The following CYP3A4 variants were observed in gnomAD, a reference collection of about 807,000 sequenced individuals.
CYP3A4 encodes cytochrome P450 family 3 subfamily A member 4, also known as cytochrome P450 3A4.
In CYP3A4, 41 loss-of-function variants were observed where a neutral mutation model predicts 54.9. The observed-to-expected ratio is 0.75, with a 90% CI of 0.58 to 0.97. The LOEUF is 0.97. CYP3A4 is among the 50% of genes least tolerant of loss of function. The pLI, the probability that CYP3A4 is intolerant of heterozygous loss-of-function variation, is 0.00. For synonymous variants in CYP3A4, 179 were observed against 205.2 expected (o/e 0.87, Z 1.09); for missense variants, 510 against 597.3 (o/e 0.85, Z 1.52).
chr7:99,777,255 A>G (rs780506757), intron 3 of CYP3A4, among the ~76,000 whole-genome samples: 1 of 149,964 alleles, frequency 6.7e-6, no homozygotes, highest in South Asian at 2.1e-4. Flanking sequence ...CACCTAAGGA[A>G]AAAAAAAAAG....
At chr7:99,774,346 G>T (rs1265438209) in intron 3 of CYP3A4, among the ~76,000 whole-genome samples, 3 of 152,050 alleles carry the variant, frequency 2.0e-5, no homozygotes, top group African/African-American at 7.2e-5. Context: ...ATTTTATGAG[G>T]CCAGTATCTC....
At chr7:99,766,064 A>AG (rs1362157568) in intron 9 of CYP3A4, among the ~76,000 whole-genome samples, 1 of 152,176 alleles carries the variant, frequency 6.6e-6, no homozygotes, top group Non-Finnish European at 1.5e-5. Flanking sequence ...ATTTCTAGGC[A>AG]GAAATTTTTA....
At chr7:99,761,592 T>A (rs909990200) in intron 11 of CYP3A4, among the ~76,000 whole-genome samples, 3 of 152,198 alleles carry the variant, frequency 2.0e-5, no homozygotes, top group Non-Finnish European at 2.9e-5. Flanking sequence ...ACCGATGTAA[T>A]GCAGTATCAT....
At chr7:99,779,591 G>T (rs1815861522) in intron 2 of CYP3A4, among the ~76,000 whole-genome samples, 1 of 152,204 alleles carries the variant, frequency 6.6e-6, no homozygotes, top group African/African-American at 2.4e-5. Flanking sequence ...CTACAGAGAG[G>T]AAAGTTTGAC....
At chr7:99,773,864 G>T (rs1166219952) in intron 3 of CYP3A4, among the ~76,000 whole-genome samples, 10 of 151,910 alleles carry the variant, frequency 6.6e-5, no homozygotes, top group Non-Finnish European at 1.2e-4. Context: ...AACAGAAGGA[G>T]ATAGAGACAC....
At chr7:99,759,166 A>G (rs1457424080) in intron 12 of CYP3A4, among the ~76,000 whole-genome samples, 1 of 152,216 alleles carries the variant, frequency 6.6e-6, no homozygotes, top group Non-Finnish European at 1.5e-5. Context: ...GAATATGGAA[A>G]TAATATGGAA....
chr7:99,772,709 T>C lies in CYP3A4; in HGVS notation c.219-20A>G. Reference sequence around the variant, plus strand: ...TAAAAGCTGTGTGAAAAAAACAGAGTTGATTAAACATCAACAGCCTTATTC... The same window carrying C: ...TAAAAGCTGTGTGAAAAAAACAGAGCTGATTAAACATCAACAGCCTTATTC... On this transcript the variant is annotated intron_variant, in intron 3 of 12. Transcript: ENST00000651514. 1 of 1,611,648 alleles carries C rather than the reference T, an allele frequency of 6.2e-7. No homozygotes were observed. Among genetic ancestry groups the C allele is most frequent in the Non-Finnish European group, 8.5e-7 (1 of 1,178,636 alleles).
intron 12 of CYP3A4, among the ~76,000 whole-genome samples, chr7:99,760,326 AC>A: frequency 6.6e-6 from 1 of 152,322 alleles, no homozygotes; most frequent in South Asian, 2.1e-4. Flanking sequence ...TTTTAAAGCC[AC>A]ACTCTGGGCA....
chr7:99,762,571 CAT>C (rs996891632), intron 10 of CYP3A4, among the ~76,000 whole-genome samples: 2 of 151,768 alleles, frequency 1.3e-5, no homozygotes, highest in African/African-American at 2.4e-5. Context: ...TACACACACA[CAT>C]ATATATGTGT....
At position 99,757,867 on chromosome 7, in the gene CYP3A4, G is replaced by T. The variant is rs59715127; in HGVS notation, c.*266C>A. On this transcript the variant is annotated 3_prime_UTR_variant, in exon 13 of 13. Transcript: ENST00000651514. ...AGGAGGAGTTAATGGTGCTAACTGGGGGTGGTGGAAATAGTCCCGTGAGAA... is the reference window on the plus strand; with the variant it reads ...AGGAGGAGTTAATGGTGCTAACTGGTGGTGGTGGAAATAGTCCCGTGAGAA... The T allele has an allele frequency of 8.8e-4, 339 of 385,568 alleles. 1 individual carries two copies. In the East Asian group the frequency reaches 0.011, roughly 12 times the overall value. 23.9% of individuals were successfully genotyped at this position (385,568 alleles called of 1,614,324 possible).
intron 9 of CYP3A4, 41 bp from the exon 10 acceptor site, chr7:99,764,056 T>C (rs1563040246): frequency 6.2e-6 from 10 of 1,612,934 alleles, no homozygotes; most frequent in Middle Eastern, 1.7e-4. Context: ...ATCAGATCAA[T>C]GTAGGGCATC....
intron 5 of CYP3A4, 119 bp from the exon 6 acceptor site, chr7:99,769,975 T>C (rs1268560912): frequency 3.2e-6 from 5 of 1,569,522 alleles, no homozygotes; most frequent in Non-Finnish European, 4.4e-6. Flanking sequence ...TGTGATGTGT[T>C]TTCTGTACAT....
chr7:99,779,853 G>A (rs558567511), intron 2 of CYP3A4, 139 bp downstream of exon 2: 422 of 778,384 alleles, frequency 5.4e-4, no homozygotes, highest in Non-Finnish European at 7.6e-4. Flanking sequence ...ACATTGCCAT[G>A]TTCTGGGTGA....
chr7:99,761,491 T>C (rs1221084034), intron 11 of CYP3A4, among the ~76,000 whole-genome samples: 3 of 151,964 alleles, frequency 2.0e-5, no homozygotes, highest in Non-Finnish European at 2.9e-5. Flanking sequence ...TTCTCCTCCT[T>C]CTTCTTCTCT....
chr7:99,762,785 T>C (rs887293391), intron 10 of CYP3A4, among the ~76,000 whole-genome samples: 4 of 152,042 alleles, frequency 2.6e-5, no homozygotes, highest in African/African-American at 7.2e-5. Flanking sequence ...ATAAAGAGGA[T>C]AGAACCCCAC....
chr7:99,766,304 T>G lies in CYP3A4; in HGVS notation c.865+73A>C. 10 of 1,545,168 alleles carry G rather than the reference T, an allele frequency of 6.5e-6. No homozygotes were observed. In the South Asian group the frequency reaches 1.1e-4, roughly 17 times the overall value. On this transcript the variant is annotated intron_variant, in intron 9 of 12. Coordinates refer to ENST00000651514, the MANE Select transcript of CYP3A4 (RefSeq NM_017460.6). ...AGAAATTCTCATCATCCTGGAATAC[T>G]TCCTGCACATTTTCAGAACAAGGCC...
Position 99,768,444 on chromosome 7 carries a change from C to T in CYP3A4, c.580G>A (p.Asp194Asn), listed in dbSNP as rs548684407. ...GGGTCTTGTGGATTGTTGAGAGAGT[C>T]GATGTTCACTCCAAATGATGTGCTA... ...ITSTSFGVNI[D>N]SLNNPQDPFV... Residue 194 changes from aspartate to asparagine, a missense_variant, in exon 7 of 13, where the codon GAC becomes AAC. Coordinates refer to ENST00000651514, the MANE Select transcript of CYP3A4 (RefSeq NM_017460.6). 2.0e-5 allele frequency: 33 copies of T among 1,613,996 alleles called. No homozygotes were observed. The highest frequency in any genetic ancestry group is 1.8e-4 in the South Asian group (16 of 91,078).
At chr7:99,779,948 T>C in intron 2 of CYP3A4, 44 bp downstream of exon 2, 4 of 1,565,292 alleles carry the variant, frequency 2.6e-6, no homozygotes, top group Non-Finnish European at 3.5e-6. Flanking sequence ...TAAGCTGCTC[T>C]TGGCAATCAT....
intron 6 of CYP3A4, among the ~76,000 whole-genome samples, chr7:99,769,262 C>T (rs182246672): frequency 1.3e-3 from 198 of 152,186 alleles, no homozygotes; most frequent in African/African-American, 4.5e-3. Flanking sequence ...GTGTTTTTAC[C>T]ACCCTCTCTC....
Sources: allele counts gnomAD v4.1 joint callset (sites outside exome capture counted in the v4.1 genomes callset), GRCh38; gene constraint gnomAD v4.1.1; transcripts MANE v1.5; gene names NCBI Gene and HGNC (gene_info 2026-07-23, HGNC 2026-07-21).